The following GTSE1 variants were observed in gnomAD, a reference collection of about 807,000 sequenced individuals.
The protein encoded by GTSE1 is G2 and S-phase expressed 1.
A neutral mutation model predicts 60.5 loss-of-function variants in GTSE1; 52 were observed. The observed-to-expected ratio is 0.86, with a 90% CI of 0.69 to 1.08. GTSE1 has a LOEUF of 1.08. Ranked by LOEUF, GTSE1 falls within the 50% of genes least tolerant of loss-of-function variation. The pLI is 0.00. For missense variants in GTSE1, 937 were observed against 961.8 expected (o/e 0.97, Z 0.34); for synonymous variants, 368 against 386.5 (o/e 0.95, Z 0.56).
chr22:46,309,332 A>G lies in GTSE1; in HGVS notation c.762+389A>G, dbSNP rs2077735468. ...CTGCATTCCTCCTGGGCACTGAGTG[A>G]GGTGAGCTTTCCTGGGAGGTGGCAG... On this transcript the variant is annotated intron_variant, in intron 4 of 11. Coordinates refer to ENST00000454366, the MANE Select transcript of GTSE1 (RefSeq NM_016426.7). This position sits in a 1 kb window ranked among gnomAD's most constrained non-coding sequence, Gnocchi z 6.2. Among the ~76,000 whole-genome samples the G allele has an allele frequency of 6.6e-6, 1 of 152,070 alleles. No individual in the cohort carries two copies. The highest frequency in any genetic ancestry group is 1.5e-5 in the Non-Finnish European group (1 of 67,992).
At position 46,328,906 on chromosome 22, in the gene GTSE1, CAGCTGGGTTCTGTT is replaced by C. The variant is rs372191428; in HGVS notation, c.1926+23_1926+36del. ...CCTAGTGAGGTGGGCAGAACGGGCG[CAGCTGGGTTCTGTT>C]AGCTGAGATTCCTGGAGGCTGCTCG... On this transcript the variant is annotated intron_variant, in intron 10 of 11. Transcript: ENST00000454366. The C allele has an allele frequency of 6.9e-5, 110 of 1,595,520 alleles. No individual in the cohort carries two copies. In the African/African-American group the frequency reaches 1.2e-3, roughly 17 times the overall value.
rs1469348120 is a variant in GTSE1 at position 46,313,265 on chromosome 22, G to A, written c.928-625G>A. Among the ~76,000 whole-genome samples the A allele has an allele frequency of 6.6e-6, 1 of 151,974 alleles. No individual in the cohort carries two copies. Among genetic ancestry groups the A allele is most frequent in the African/African-American group, 2.4e-5 (1 of 41,362 alleles). On this transcript the variant is annotated intron_variant, in intron 5 of 11. Coordinates refer to ENST00000454366, the MANE Select transcript of GTSE1 (RefSeq NM_016426.7). This position sits in a 1 kb window ranked among gnomAD's most constrained non-coding sequence, Gnocchi z 4.4. ...CTTTGCCACTTATTTTCTGGCATTG[G>A]CGGTAAACCAAGCTGTGTGTACTGG...
At chr22:46,306,727 A>T (rs2077717648) in intron 2 of GTSE1, among the ~76,000 whole-genome samples, 1 of 152,118 alleles carries the variant, frequency 6.6e-6, no homozygotes, top group African/African-American at 2.4e-5. Flanking sequence ...ACCACAAATC[A>T]TCTGCCTGCC....
At chr22:46,298,981 T>C (rs1364909515) in intron 2 of GTSE1, among the ~76,000 whole-genome samples, 3 of 152,244 alleles carry the variant, frequency 2.0e-5, no homozygotes, top group African/African-American at 4.8e-5. Flanking sequence ...GCCATTTTTT[T>C]CCGCCTCTCA....
At position 46,319,788 on chromosome 22, in the gene GTSE1, G is replaced by A. The variant is rs1164608860; in HGVS notation, c.1432+3376G>A. On this transcript the variant is annotated intron_variant, in intron 7 of 11. Transcript: ENST00000454366. This position sits in a 1 kb window ranked among gnomAD's most constrained non-coding sequence, Gnocchi z 5.0. The stretch of plus-strand genomic sequence containing the variant: ...ATCACCTGAGGTCAGGAGTTCGAGA[G>A]CAGCCTGGTCAACATGGTGAAACCC... Among the ~76,000 whole-genome samples, 1 of 151,976 alleles carries A rather than the reference G, an allele frequency of 6.6e-6. No individual in the cohort carries two copies.
In GTSE1 at chr22:46,326,439, C is replaced by T. The variant is rs754018697; in HGVS notation, c.1509C>T (p.Val503=). 7.5e-6 allele frequency: 12 copies of T among 1,597,646 alleles called. No individual in the cohort carries two copies. The highest frequency in any genetic ancestry group is 1.0e-5 in the Non-Finnish European group (12 of 1,167,678). Residue 503 remains valine, a synonymous_variant, in exon 9 of 12, where the codon GTC becomes GTT. Coordinates refer to ENST00000454366, the MANE Select transcript of GTSE1 (RefSeq NM_016426.7). ...ACACTGATGTTGTGTTTGCCAGGGT[C>T]ACTGTCCACAGCACCCCGGTTAGAC... The part of the protein sequence containing the change: ...RPQSCTSVGR[V]TVHSTPVRRS...
rs1399065431 is a variant in GTSE1 at position 46,309,896 on chromosome 22, C to T, written c.762+953C>T. Among the ~76,000 whole-genome samples, 2 of 152,222 alleles carry T rather than the reference C, an allele frequency of 1.3e-5. No individual in the cohort carries two copies. Among genetic ancestry groups the T allele is most frequent in the African/African-American group, 2.4e-5 (1 of 41,452 alleles). On this transcript the variant is annotated intron_variant, in intron 4 of 11. Transcript: ENST00000454366. This position sits in a 1 kb window ranked among gnomAD's most constrained non-coding sequence, Gnocchi z 6.2. Reference sequence around the variant, plus strand: ...GGGATGGGTCCTGCTGTGTGGAGCACACGTGGACTCGGGACAGGGATTGTG... The same window carrying T: ...GGGATGGGTCCTGCTGTGTGGAGCATACGTGGACTCGGGACAGGGATTGTG...
Position 46,309,345 on chromosome 22 carries a change from T to C in GTSE1, c.762+402T>C, listed in dbSNP as rs2077735504. On this transcript the variant is annotated intron_variant, in intron 4 of 11. Transcript: ENST00000454366. This position sits in a 1 kb window ranked among gnomAD's most constrained non-coding sequence, Gnocchi z 6.2. ...GGGCACTGAGTGAGGTGAGCTTTCC[T>C]GGGAGGTGGCAGTTGACAGGGGTGC... Among the ~76,000 whole-genome samples the C allele has an allele frequency of 6.6e-6, 1 of 152,176 alleles. No homozygotes were observed. Among genetic ancestry groups the C allele is most frequent in the South Asian group, 2.1e-4 (1 of 4,830 alleles).
In GTSE1 at chr22:46,324,561, G is replaced by A. The variant is rs531726029; in HGVS notation, c.1505+1299G>A. On this transcript the variant is annotated intron_variant, in intron 8 of 11. Transcript: ENST00000454366. This position sits in a 1 kb window ranked among gnomAD's most constrained non-coding sequence, Gnocchi z 5.2. ...TTTTTGTATTTTTAGTAGAGACGGGGTTTCACCGTGTTAGCCAGGATGGTC... is the reference window on the plus strand; with the variant it reads ...TTTTTGTATTTTTAGTAGAGACGGGATTTCACCGTGTTAGCCAGGATGGTC... 2.7e-4 allele frequency among the ~76,000 whole-genome samples: 41 copies of A among 152,182 alleles called. No homozygotes were observed. Among genetic ancestry groups the A allele is most frequent in the African/African-American group, 4.3e-4 (18 of 41,524 alleles).
intron 2 of GTSE1, among the ~76,000 whole-genome samples, chr22:46,302,176 G>A (rs1008789100): frequency 6.6e-6 from 1 of 152,088 alleles, no homozygotes; most frequent in Non-Finnish European, 1.5e-5. Context: ...TTTATTTTCT[G>A]TGAACTTTAT....
chr22:46,322,278 C>T (rs2077817943), intron 7 of GTSE1, among the ~76,000 whole-genome samples: 2 of 152,088 alleles, frequency 1.3e-5, no homozygotes, highest in South Asian at 2.1e-4. Flanking sequence ...TCTGTGGGGG[C>T]AGCAGCCTGG....
intron 6 of GTSE1, among the ~76,000 whole-genome samples, chr22:46,315,791 A>G (rs541031893): frequency 6.6e-6 from 1 of 152,320 alleles, no homozygotes; most frequent in Non-Finnish European, 1.5e-5. Context: ...GCTTGAATTT[A>G]TGCATGCTTA....
intron 8 of GTSE1, among the ~76,000 whole-genome samples, chr22:46,326,027 G>A (rs1437578763): frequency 6.6e-6 from 1 of 152,252 alleles, no homozygotes; most frequent in East Asian, 1.9e-4. Flanking sequence ...CCATTCGCTG[G>A]CCCACCAGAC....
rs2077812265 is a variant in GTSE1 at position 46,321,484 on chromosome 22, AG to A, written c.1433-1705del. On this transcript the variant is annotated intron_variant, in intron 7 of 11. Coordinates refer to ENST00000454366, the MANE Select transcript of GTSE1 (RefSeq NM_016426.7). The surrounding 1 kb of genome is among the most constrained non-coding windows in gnomAD (Gnocchi z 4.0). ...AGCATGTTTGACTCAGCTGTGTGCG[AG>A]CTGCGCGCCTCTCCAGTGCTGGGGT... Among the ~76,000 whole-genome samples, 1 of 152,222 alleles carries A rather than the reference AG, an allele frequency of 6.6e-6. No individual in the cohort carries two copies. The highest frequency in any genetic ancestry group is 1.5e-5 in the Non-Finnish European group (1 of 68,034).
chr22:46,299,034 C>G (rs1290905948), intron 2 of GTSE1, among the ~76,000 whole-genome samples: 2 of 152,238 alleles, frequency 1.3e-5, no homozygotes, highest in Non-Finnish European at 2.9e-5. Flanking sequence ...TCCATTCAAG[C>G]TGCTTTCATC....
chr22:46,325,431 C>T (rs981936409), intron 8 of GTSE1, among the ~76,000 whole-genome samples: 3 of 152,116 alleles, frequency 2.0e-5, no homozygotes, highest in Non-Finnish European at 4.4e-5. Context: ...CTCCTGACCT[C>T]GTGATCCACC....
Position 46,316,181 on chromosome 22 carries a change from G to C in GTSE1, c.1201G>C (p.Asp401His). Residue 401 changes from aspartate to histidine, a missense_variant, in exon 7 of 12, where the codon GAT (aspartate) becomes CAT (histidine). Physicochemically the swap from Asp to His is moderately conservative, Grantham distance 81 (BLOSUM62 -1). Transcript: ENST00000454366. This position sits in a 1 kb window ranked among gnomAD's most constrained non-coding sequence, Gnocchi z 5.0. ...GASSWQAKRVDVSELAAEQLT... is the reference protein window; with the variant it reads ...GASSWQAKRVHVSELAAEQLT... Reference sequence around the variant, plus strand: ...ATCCTCCTGGCAGGCCAAGCGGGTCGATGTTTCTGAGCTGGCAGCGGAGCA... The same window carrying C: ...ATCCTCCTGGCAGGCCAAGCGGGTCCATGTTTCTGAGCTGGCAGCGGAGCA... The C allele has an allele frequency of 6.2e-7, 1 of 1,613,516 alleles. No homozygotes were observed. The highest frequency in any genetic ancestry group is 8.5e-7 in the Non-Finnish European group (1 of 1,179,804).
At position 46,310,801 on chromosome 22, in the gene GTSE1, A is replaced by G. The variant is rs1411990420; in HGVS notation, c.763-1340A>G. ...AAAAATTAGCCAAGTATGGTGGTGCACACCTGTAATCCCAGCTACTTGGGA... is the reference window on the plus strand; with the variant it reads ...AAAAATTAGCCAAGTATGGTGGTGCGCACCTGTAATCCCAGCTACTTGGGA... On this transcript the variant is annotated intron_variant, in intron 4 of 11. Transcript: ENST00000454366. The surrounding 1 kb of genome is among the most constrained non-coding windows in gnomAD (Gnocchi z 4.4). 6.6e-6 allele frequency among the ~76,000 whole-genome samples: 1 copy of G among 152,146 alleles called. No homozygotes were observed. The highest frequency in any genetic ancestry group is 1.5e-5 in the Non-Finnish European group (1 of 68,014).
In GTSE1 at chr22:46,313,406, G is replaced by C. The variant is rs377075633; in HGVS notation, c.928-484G>C. 3.0e-3 allele frequency among the ~76,000 whole-genome samples: 464 copies of C among 152,246 alleles called. No individual in the cohort carries two copies. The highest frequency in any genetic ancestry group is 5.0e-3 in the Non-Finnish European group (341 of 68,002). Reference sequence around the variant, plus strand: ...TCCCTAATGTGGTCCTCATGCAGGGGTTTGAAGACTACACTTTGAGAAGTG... The same window carrying C: ...TCCCTAATGTGGTCCTCATGCAGGGCTTTGAAGACTACACTTTGAGAAGTG... On this transcript the variant is annotated intron_variant, in intron 5 of 11. Coordinates refer to ENST00000454366, the MANE Select transcript of GTSE1 (RefSeq NM_016426.7). This position sits in a 1 kb window ranked among gnomAD's most constrained non-coding sequence, Gnocchi z 4.4.
Sources: gnomAD v4.1 joint callset for allele counts (sites outside exome capture counted in the v4.1 genomes callset) on GRCh38, gnomAD v4.1.1 for gene constraint, Gnocchi (gnomAD v3.1) non-coding constraint, MANE v1.5 for transcripts, NCBI Gene and HGNC (gene_info 2026-07-23, HGNC 2026-07-21) for gene names.